PIK3CB: variants seen among roughly 807,000 people sequenced by gnomAD.
PIK3CB encodes the protein phosphatidylinositol 4,5-bisphosphate 3-kinase catalytic subunit beta isoform.
In PIK3CB, 39 loss-of-function variants were observed where a neutral mutation model predicts 136.8. That is an observed-to-expected ratio of 0.29 (90% CI 0.22 to 0.37). The LOEUF (loss-of-function observed/expected upper bound fraction) is 0.37. Ranked by LOEUF, PIK3CB falls within the 10% of genes least tolerant of loss-of-function variation. The pLI is 1.00. For synonymous variants in PIK3CB, 428 were observed against 436.6 expected, an observed-to-expected ratio of 0.98 and a Z score of 0.25; for missense variants, 868 against 1,275.4, an observed-to-expected ratio of 0.68 and a Z score of 4.87.
chr3:138,746,982 G>C (rs1472852508), intron 4 of PIK3CB, among the ~76,000 whole-genome samples: 5 of 140,890 alleles, frequency 3.5e-5, no homozygotes, highest in Non-Finnish European at 1.5e-5. Context: ...ATACTGGATT[G>C]ATTTATCTCG....
At chr3:138,784,777 T>C (rs2108797629) in intron 2 of PIK3CB, among the ~76,000 whole-genome samples, 1 of 152,322 alleles carries the variant, frequency 6.6e-6, no homozygotes, top group Non-Finnish European at 1.5e-5. Flanking sequence ...CTCAGCTCGC[T>C]ATAACCTCCA....
intron 2 of PIK3CB, among the ~76,000 whole-genome samples, chr3:138,787,858 G>T (rs2045999133): frequency 1.3e-5 from 2 of 149,756 alleles, no homozygotes; most frequent in Admixed American, 1.3e-4. Context: ...GCATACTTAA[G>T]ATTTTTTAAG....
intron 9 of PIK3CB, among the ~76,000 whole-genome samples, chr3:138,713,344 T>C (rs1217769284): frequency 6.6e-6 from 1 of 151,672 alleles, no homozygotes; most frequent in African/African-American, 2.4e-5. Flanking sequence ...TATATGATGA[T>C]AACCAGAGGA....
At chr3:138,780,009 G>C (rs1475630804) in intron 2 of PIK3CB, among the ~76,000 whole-genome samples, 1 of 151,964 alleles carries the variant, frequency 6.6e-6, no homozygotes, top group South Asian at 2.1e-4. Flanking sequence ...CCAGGCTGGA[G>C]TGCAGTGGCG....
chr3:138,693,006 ACACAGTAGT>A (rs1380438801), intron 14 of PIK3CB, among the ~76,000 whole-genome samples: 2 of 152,268 alleles, frequency 1.3e-5, no homozygotes, highest in African/African-American at 2.4e-5. Context: ...ACAGAATATT[ACACAGTAGT>A]GAAAGGAATA....
intron 19 of PIK3CB, among the ~76,000 whole-genome samples, chr3:138,681,236 G>A (rs1018474830): frequency 4.6e-5 from 7 of 151,906 alleles, no homozygotes; most frequent in Admixed American, 1.3e-4. Flanking sequence ...AGAAGAGACA[G>A]GGTTTCACCA....
At chr3:138,701,269 A>G (rs1446418294) in intron 12 of PIK3CB, among the ~76,000 whole-genome samples, 1 of 152,058 alleles carries the variant, frequency 6.6e-6, no homozygotes, top group African/African-American at 2.4e-5. Flanking sequence ...ACTGTTTCGG[A>G]CTGAAGGAAG....
intron 2 of PIK3CB, among the ~76,000 whole-genome samples, chr3:138,793,435 G>A (rs935363817): frequency 3.3e-5 from 5 of 151,408 alleles, no homozygotes; most frequent in African/African-American, 7.3e-5. Context: ...GTGAAACCCC[G>A]TCTCTAATAA....
intron 19 of PIK3CB, among the ~76,000 whole-genome samples, chr3:138,665,997 G>T (rs1019335618): frequency 6.6e-6 from 1 of 152,142 alleles, no homozygotes; most frequent in Non-Finnish European, 1.5e-5. Context: ...AGGTGACTGG[G>T]TATTTACAAA....
At chr3:138,748,357 A>G (rs1300316478) in intron 4 of PIK3CB, among the ~76,000 whole-genome samples, 2 of 152,034 alleles carry the variant, frequency 1.3e-5, no homozygotes, top group Non-Finnish European at 2.9e-5. Context: ...CCCATCAGGC[A>G]TCTCTGAAAC....
chr3:138,669,797 G>A (rs2043496298), intron 19 of PIK3CB, among the ~76,000 whole-genome samples: 1 of 152,108 alleles, frequency 6.6e-6, no homozygotes. Flanking sequence ...TGTACAGAAG[G>A]TACCTCAAGA....
At position 138,709,645 on chromosome 3, in the gene PIK3CB, G is replaced by A. The variant is rs1218894182; in HGVS notation, c.1400-2356C>T. On this transcript the variant is annotated intron_variant, in intron 10 of 23. Transcript: ENST00000674063. ...TGTAACAATTCTAGAGCTGACACATGCAGAACTAATGTGTTCATTTATTAT... is the reference window on the plus strand; with the variant it reads ...TGTAACAATTCTAGAGCTGACACATACAGAACTAATGTGTTCATTTATTAT... Among the ~76,000 whole-genome samples, 5 of 152,282 alleles carry A rather than the reference G, an allele frequency of 3.3e-5. 1 individual carries two copies. The South Asian group carries it at 8.3e-4, about 25-fold the overall frequency.
At chr3:138,788,873 A>G (rs2108808131) in intron 2 of PIK3CB, among the ~76,000 whole-genome samples, 2 of 147,792 alleles carry the variant, frequency 1.4e-5, no homozygotes, top group African/African-American at 5.0e-5. Context: ...CTGAGGCAGG[A>G]GAATCGCTTG....
chr3:138,759,045 T>C (rs1262463711), intron 3 of PIK3CB, 128 bp downstream of exon 3: 2 of 539,928 alleles, frequency 3.7e-6, no homozygotes, highest in Admixed American at 7.5e-5. Flanking sequence ...CTAATTTTTC[T>C]TAATTACCAT....
In PIK3CB at chr3:138,707,258, T is replaced by C. The variant is rs563155834; in HGVS notation, c.1431A>G (p.Gly477=). 1.9e-4 allele frequency: 310 copies of C among 1,604,872 alleles called. 6 individuals are homozygous for C. The South Asian group carries it at 3.4e-3, about 17-fold the overall frequency. ...DELEEMLNPM[G]TVQTNPYTEN... ...CAGTATATGGATTTGTTTGAACAGT[T>C]CCCATTGGATTCAACATTTCTTCGA... Residue 477 remains glycine, a synonymous_variant, in exon 11 of 24, where the codon GGA becomes GGG. Transcript: ENST00000674063.
At position 138,658,945 on chromosome 3, in the gene PIK3CB, C is replaced by T. The variant is rs1433660715; in HGVS notation, c.2797-1110G>A. On this transcript the variant is annotated intron_variant, in intron 21 of 23. Coordinates refer to ENST00000674063, the MANE Select transcript of PIK3CB (RefSeq NM_006219.3). ...GGTTTCTAGCTGGGCTGGTTGTTCT[C>T]CGGTGTTGCTGCAGAGCCATCATCC... Among the ~76,000 whole-genome samples, 4 of 152,342 alleles carry T rather than the reference C, an allele frequency of 2.6e-5. No individual in the cohort carries two copies. In the East Asian group the frequency reaches 7.7e-4, roughly 29 times the overall value.
At chr3:138,759,453 G>C in intron 2 of PIK3CB, 94 bp from the exon 3 acceptor site, 1 of 743,022 alleles carries the variant, frequency 1.3e-6, no homozygotes, top group Non-Finnish European at 2.2e-6. Context: ...TTAGTCCTTA[G>C]ATTTCAATAT....
chr3:138,825,978 T>C, intron 1 of PIK3CB: 3 of 1,560,098 alleles, frequency 1.9e-6, no homozygotes, highest in Non-Finnish European at 2.6e-6. Flanking sequence ...CAAGTGATTA[T>C]CCTGAACCAT....
chr3:138,809,045 G>A lies in PIK3CB; in HGVS notation c.-121-12478C>T, dbSNP rs558722747. On this transcript the variant is annotated intron_variant, in intron 1 of 23. Coordinates refer to ENST00000674063, the MANE Select transcript of PIK3CB (RefSeq NM_006219.3). ...TCATGCCTGTAATCTCAGCCGAGGC[G>A]GGTGGATCATCTGGAGTCAGGAGTT... 3.0e-4 allele frequency among the ~76,000 whole-genome samples: 45 copies of A among 152,000 alleles called. No individual in the cohort carries two copies. In the East Asian group the frequency reaches 5.2e-3, roughly 18 times the overall value.
Sources: gnomAD v4.1 joint callset for allele counts (sites outside exome capture counted in the v4.1 genomes callset) on GRCh38, gnomAD v4.1.1 for gene constraint, MANE v1.5 for transcripts, NCBI Gene and HGNC (gene_info 2026-07-23, HGNC 2026-07-21) for gene names.